Variants in SMIM35 observed in about 807,000 individuals in gnomAD.
SMIM35 encodes small integral membrane protein 35, also known as TMPRSS4 antisense RNA 1 (non-protein coding).
intron 1 of SMIM35, among the ~76,000 whole-genome samples, chr11:118,051,701 T>C (rs1005069382): frequency 3.9e-5 from 6 of 152,110 alleles, no homozygotes; most frequent in African/African-American, 1.2e-4. Context: ...TGCACACCCT[T>C]ACCATCAAAA....
intron 1 of SMIM35, among the ~76,000 whole-genome samples, chr11:118,083,780 G>A (rs1007322622): frequency 1.3e-5 from 2 of 152,082 alleles, no homozygotes; most frequent in African/African-American, 4.8e-5. Context: ...TCTTGGCTGG[G>A]TGCAGTGGCT....
At chr11:118,029,874 A>G (rs979649421) in intron 1 of SMIM35, 9 of 444,418 alleles carry the variant, frequency 2.0e-5, no homozygotes, top group African/African-American at 1.0e-4. Context: ...TGCTACCTCC[A>G]CATCACCAAG....
intron 1 of SMIM35, among the ~76,000 whole-genome samples, chr11:118,052,031 G>C (rs917862091): frequency 2.0e-5 from 3 of 152,130 alleles, no homozygotes; most frequent in African/African-American, 7.2e-5. Context: ...TGACATGAGA[G>C]GTGTGAAAGT....
intron 1 of SMIM35, among the ~76,000 whole-genome samples, chr11:118,073,886 A>G (rs1196564166): frequency 6.6e-6 from 1 of 152,254 alleles, no homozygotes; most frequent in Non-Finnish European, 1.5e-5. Context: ...AGCTCAGACC[A>G]TTGTCCAGAA....
chr11:118,026,648 A>G (rs908678502), intron 1 of SMIM35, among the ~76,000 whole-genome samples: 6 of 152,174 alleles, frequency 3.9e-5, no homozygotes, highest in African/African-American at 1.4e-4. Context: ...GAAATAATGT[A>G]TCTACCAACT....
chr11:118,074,732 G>A (rs796500031), intron 1 of SMIM35, among the ~76,000 whole-genome samples: 4 of 142,852 alleles, frequency 2.8e-5, no homozygotes, highest in South Asian at 4.6e-4. Flanking sequence ...GGGCAACAGA[G>A]GGGGACCCTG....
intron 1 of SMIM35, among the ~76,000 whole-genome samples, chr11:118,064,565 T>C (rs1237298834): frequency 6.6e-6 from 1 of 152,212 alleles, no homozygotes; most frequent in African/African-American, 2.4e-5. Context: ...ACTACAGGCA[T>C]GTGCCATCGT....
chr11:118,013,841 G>A lies in SMIM35; in HGVS notation c.198C>T (p.Ile66=). The stretch of plus-strand genomic sequence containing the variant: ...CATCTGTGCTGCTGATGTGACCACT[G>A]ATGGTGAAGGGTGGACCCATCTCCA... ...KDLEMGPPFT[I]SGHISSTDGG... The change falls in exon 4 of 5, where the codon ATC becomes ATT. Residue 66 remains isoleucine, a synonymous_variant. Coordinates refer to ENST00000689828, the MANE Select transcript of SMIM35 (RefSeq NM_001394165.1). The A allele has an allele frequency of 2.5e-6, 1 of 399,068 alleles. No individual in the cohort carries two copies. The highest frequency in any genetic ancestry group is 2.1e-5 in the African/African-American group (1 of 48,732). The allele number at this position is 399,068 out of a possible 1,614,324, so 24.7% of individuals were successfully genotyped here.
chr11:118,025,487 G>A (rs751790500), intron 1 of SMIM35: 59 of 455,110 alleles, frequency 1.3e-4, no homozygotes, highest in Non-Finnish European at 2.1e-4. Context: ...AGCTTTCCTT[G>A]CTGGCATGAG....
chr11:118,021,379 C>T (rs2058229877), intron 1 of SMIM35, among the ~76,000 whole-genome samples: 1 of 152,080 alleles, frequency 6.6e-6, no homozygotes, highest in Non-Finnish European at 1.5e-5. Flanking sequence ...TGTGTCTAAT[C>T]TGCTATTAAT....
chr11:118,049,507 C>T (rs1453193564), intron 1 of SMIM35, among the ~76,000 whole-genome samples: 1 of 151,672 alleles, frequency 6.6e-6, no homozygotes, highest in African/African-American at 2.4e-5. Context: ...CACCACCACG[C>T]CCGGCTAATT....
Position 118,013,590 on chromosome 11 carries a change from T to G in SMIM35, c.*33+158A>C, listed in dbSNP as rs148776480. ...TGCCAGAAGCGGGTGGGGGAAAACATGACCCAAGCCTGAGATCGGCACCAG... is the reference window on the plus strand; with the variant it reads ...TGCCAGAAGCGGGTGGGGGAAAACAGGACCCAAGCCTGAGATCGGCACCAG... On this transcript the variant is annotated intron_variant, in intron 4 of 4. Transcript: ENST00000689828. 588 of 383,274 alleles carry G rather than the reference T, an allele frequency of 1.5e-3. 4 individuals are homozygous for G. The highest frequency in any genetic ancestry group is 3.3e-3 in the Middle Eastern group (5 of 1,496). The allele number at this position is 383,274 out of a possible 1,614,324, so 23.7% of individuals were successfully genotyped here.
In SMIM35 at chr11:118,004,922, A is replaced by G. The variant is rs1249106903; in HGVS notation, c.*1488T>C. The G allele has an allele frequency of 6.6e-6, 1 of 152,228 alleles. No homozygotes were observed. Among genetic ancestry groups the G allele is most frequent in the Non-Finnish European group, 1.5e-5 (1 of 68,100 alleles). 9.4% of individuals were successfully genotyped at this position (152,228 alleles called of 1,614,324 possible). Reference sequence around the variant, plus strand: ...AGAGCTGAGAGGCTCAGGGAGGGGTACAGACTAGTACATGATCTGCAAAGG... The same window carrying G: ...AGAGCTGAGAGGCTCAGGGAGGGGTGCAGACTAGTACATGATCTGCAAAGG... On this transcript the variant is annotated 3_prime_UTR_variant, in exon 5 of 5. Coordinates refer to ENST00000689828, the MANE Select transcript of SMIM35 (RefSeq NM_001394165.1).
chr11:118,010,878 G>A (rs930177216), intron 4 of SMIM35, among the ~76,000 whole-genome samples: 1 of 152,212 alleles, frequency 6.6e-6, no homozygotes, highest in Non-Finnish European at 1.5e-5. Flanking sequence ...GAAGGTGTTG[G>A]GAGAGGCTCT....
intron 1 of SMIM35, among the ~76,000 whole-genome samples, chr11:118,031,017 A>G (rs569256660): frequency 6.6e-6 from 1 of 152,264 alleles, no homozygotes; most frequent in East Asian, 1.9e-4. Context: ...ATCAATCAAT[A>G]TCAATATCGA....
At chr11:118,081,571 G>A (rs949889031) in intron 1 of SMIM35, among the ~76,000 whole-genome samples, 1 of 152,254 alleles carries the variant, frequency 6.6e-6, no homozygotes, top group Non-Finnish European at 1.5e-5. Flanking sequence ...TTGAGGAAGA[G>A]GGTGAGAGAC....
At chr11:118,039,565 C>T (rs1377697861) in intron 1 of SMIM35, among the ~76,000 whole-genome samples, 2 of 151,890 alleles carry the variant, frequency 1.3e-5, no homozygotes, top group Non-Finnish European at 2.9e-5. Context: ...CAAAAATTAG[C>T]CGGGTGTGGT....
intron 1 of SMIM35, among the ~76,000 whole-genome samples, chr11:118,079,146 G>A (rs626252): frequency 0.81 from 122,951 of 152,056 alleles, 50,157 homozygotes; most frequent in East Asian, 0.96. Flanking sequence ...TCTCCACGGT[G>A]TGGTCAAGGA....
intron 1 of SMIM35, among the ~76,000 whole-genome samples, chr11:118,028,507 C>T (rs2058292170): frequency 6.6e-6 from 1 of 151,944 alleles, no homozygotes; most frequent in South Asian, 2.1e-4. Context: ...CTGGGTCTGG[C>T]CAAAATACTA....
Sources: gnomAD v4.1 joint callset for allele counts (sites outside exome capture counted in the v4.1 genomes callset) on GRCh38, gnomAD v4.1.1 for gene constraint, MANE v1.5 for transcripts, NCBI Gene and HGNC (gene_info 2026-07-23, HGNC 2026-07-21) for gene names.